Variants in DDX43 observed in about 807,000 individuals in gnomAD.
DDX43 encodes the protein DEAD-box helicase 43.
Under a neutral mutation model 84.9 loss-of-function variants are expected in DDX43, and 50 were observed. The ratio of observed to expected loss-of-function variants is 0.59; its 90% confidence interval spans 0.47 to 0.75. The LOEUF (loss-of-function observed/expected upper bound fraction) is 0.75, where lower values mean the gene tolerates loss of function less well. Among genes scored for constraint, DDX43 ranks in the 30% least tolerant of loss-of-function variants. The pLI is 0.00. For synonymous variants in DDX43, 291 were observed against 266.3 expected (o/e 1.09, Z -0.90); for missense variants, 689 against 798.6 (o/e 0.86, Z 1.65).
At chr6:73,401,265 A>G (rs969204587) in intron 3 of DDX43, among the ~76,000 whole-genome samples, 3 of 152,230 alleles carry the variant, frequency 2.0e-5, no homozygotes, top group African/African-American at 7.2e-5. Flanking sequence ...GGAGTGAGCT[A>G]CCAAGCCTGG....
rs765568989 is a variant in DDX43, at chr6:73,414,046, G to C, written c.1573G>C (p.Asp525His). 1 of 1,608,802 alleles carries C rather than the reference G, an allele frequency of 6.2e-7. No individual in the cohort carries two copies. Among genetic ancestry groups the C allele is most frequent in the Non-Finnish European group, 8.5e-7 (1 of 1,175,284 alleles). Residue 525 changes from aspartate (D) to histidine (H), a missense_variant, in exon 13 of 17, where the codon GAT becomes CAT. Coordinates refer to ENST00000370336, the MANE Select transcript of DDX43 (RefSeq NM_018665.3). ...TCTGCATGGAGATAGAGAACAGAGA[G>C]ATCGGGAGAAAGCATTAGAGAACTT... The part of the protein sequence containing the change: ...ESLHGDREQR[D>H]REKALENFKT...
rs146218157 is a variant in DDX43 at position 73,413,973 on chromosome 6, G to A, written c.1500G>A (p.Ala500=). 58 of 1,602,296 alleles carry A rather than the reference G, an allele frequency of 3.6e-5. No homozygotes were observed. The highest frequency in any genetic ancestry group is 8.0e-5 in the African/African-American group (6 of 74,658). Residue 500 remains alanine (A), a synonymous_variant, in exon 13 of 17, where the codon GCG becomes GCA. Transcript: ENST00000370336. ...CTGAGTTTATCTTTTGCTTCAGTGC[G>A]GATCACTTATCAAGTGACCTAATAC... ...VIVFVSRKAV[A]DHLSSDLILG... is the part of the protein sequence containing the mutation.
Position 73,406,482 on chromosome 6 carries a change from G to A in DDX43, c.926G>A (p.Ser309Asn), listed in dbSNP as rs1340870480. The A allele has an allele frequency of 1.3e-6, 2 of 1,584,410 alleles. No individual in the cohort carries two copies. Among genetic ancestry groups the A allele is most frequent in the East Asian group, 2.2e-5 (1 of 44,644 alleles). Reference sequence around the variant, plus strand: ...TTTATTCATCTGGTCCTTCAACCCAGGTAAGAATTCCTATGGCTGGTTTCT... The same window carrying A: ...TTTATTCATCTGGTCCTTCAACCCAAGTAAGAATTCCTATGGCTGGTTTCT... ...PGFIHLVLQP[S>N]LKGQRNRPGM... is the part of the protein sequence containing the mutation. Residue 309 changes from serine (S) to asparagine (N), a missense_variant and splice_region_variant, in exon 7 of 17, where the codon AGC becomes AAC. Around this residue, in one of 2 missense-constraint regions of DDX43, gnomAD observed 552 missense variants for 692.7 expected, o/e 0.80. Transcript: ENST00000370336.
At chr6:73,411,852 C>T (rs952932922) in intron 10 of DDX43, among the ~76,000 whole-genome samples, 4 of 152,106 alleles carry the variant, frequency 2.6e-5, no homozygotes, top group African/African-American at 9.7e-5. Flanking sequence ...CGTCCGCTAA[C>T]ACACCCAGCT....
intron 10 of DDX43, among the ~76,000 whole-genome samples, chr6:73,411,351 C>T (rs1331807524): frequency 7.0e-6 from 1 of 142,248 alleles, no homozygotes; most frequent in Non-Finnish European, 1.5e-5. Context: ...TTTTTTGAGA[C>T]AGAGTCTCAC....
chr6:73,402,239 G>GA (rs553838318), intron 4 of DDX43, among the ~76,000 whole-genome samples: 6 of 151,986 alleles, frequency 3.9e-5, no homozygotes, highest in Non-Finnish European at 7.4e-5. Context: ...AATAAAATAG[G>GA]AAAAAATCAG....
rs774238260 is a variant in DDX43 at position 73,414,048 on chromosome 6, T to G, written c.1575T>G (p.Asp525Glu). The stretch of plus-strand genomic sequence containing the variant: ...TGCATGGAGATAGAGAACAGAGAGA[T>G]CGGGAGAAAGCATTAGAGAACTTTA... ...ESLHGDREQR[D>E]REKALENFKT... The change falls in exon 13 of 17, where the codon GAT becomes GAG. Residue 525 changes from aspartate (D) to glutamate (E), a missense_variant. By Grantham distance (45) the Asp-to-Glu change is conservative (BLOSUM62 2). Transcript: ENST00000370336. 1.2e-6 allele frequency: 2 copies of G among 1,608,344 alleles called. No homozygotes were observed. The highest frequency in any genetic ancestry group is 1.7e-6 in the Non-Finnish European group (2 of 1,175,008).
Position 73,415,478 on chromosome 6 carries a change from T to A in DDX43, c.1746-19T>A, listed in dbSNP as rs371078031. ...TAACTGAATAATGAATACATGAGTT[T>A]TTTTCCCCCACACTAAAGGAGGACT... On this transcript the variant is annotated intron_variant, in intron 14 of 16. Transcript: ENST00000370336. 1.3e-6 allele frequency: 2 copies of A among 1,584,052 alleles called. No homozygotes were observed. Among genetic ancestry groups the A allele is most frequent in the Non-Finnish European group, 8.7e-7 (1 of 1,155,928 alleles).
intron 1 of DDX43, among the ~76,000 whole-genome samples, chr6:73,395,578 C>T (rs1316013939): frequency 2.0e-5 from 3 of 150,816 alleles, no homozygotes; most frequent in East Asian, 1.9e-4. Context: ...CGCGCCACTG[C>T]ACTCCAGCCT....
At chr6:73,402,056 A>G (rs1017956244) in intron 4 of DDX43, 66 bp downstream of exon 4, 4 of 1,575,398 alleles carry the variant, frequency 2.5e-6, no homozygotes, top group Admixed American at 1.8e-5. Context: ...TTCTCTGTAC[A>G]ATGTCTGTGC....
Position 73,405,709 on chromosome 6 carries a change from C to T in DDX43, c.681C>T (p.Asp227=). 2 of 1,613,970 alleles carry T rather than the reference C, an allele frequency of 1.2e-6. No homozygotes were observed. Among genetic ancestry groups the T allele is most frequent in the Non-Finnish European group, 1.7e-6 (2 of 1,179,968 alleles). Residue 227 remains aspartate (D), a synonymous_variant, in exon 6 of 17, where the codon GAC becomes GAT. Transcript: ENST00000370336. ...AAAATTTTAATATAACGTGGGATGA[C>T]TTGAAGGATGGGGAGAAACGACCTA... The part of the protein sequence containing the change: ...RKENFNITWD[D]LKDGEKRPIP...
intron 4 of DDX43, among the ~76,000 whole-genome samples, chr6:73,402,621 C>T (rs1278133946): frequency 8.6e-5 from 13 of 152,034 alleles, no homozygotes; most frequent in Non-Finnish European, 1.8e-4. Flanking sequence ...GCTCTGTCAC[C>T]CAGGCTGGAG....
chr6:73,413,591 G>A, intron 11 of DDX43, 67 bp from the exon 12 acceptor site: 1 of 1,449,360 alleles, frequency 6.9e-7, no homozygotes, highest in Non-Finnish European at 9.2e-7. Context: ...TGCATTTTGA[G>A]CTGATGTATG....
intron 7 of DDX43, among the ~76,000 whole-genome samples, 173 bp downstream of exon 7, chr6:73,406,655 A>G (rs1029304708): frequency 6.6e-6 from 1 of 152,208 alleles, no homozygotes; most frequent in African/African-American, 2.4e-5. Flanking sequence ...AACTGGCAAA[A>G]CATTTTTAGG....
chr6:73,397,904 TCTC>T, intron 2 of DDX43, 160 bp downstream of exon 2: 2 of 503,464 alleles, frequency 4.0e-6, no homozygotes, highest in South Asian at 3.6e-5. Flanking sequence ...TTCAAGCAAT[TCTC>T]CTGCTTCAGC....
At position 73,401,936 on chromosome 6, in the gene DDX43, G is replaced by T. The variant is rs1769580968; in HGVS notation, c.514G>T (p.Asp172Tyr). ...TGTTGCAGGAGATCGGCCATTGATA[G>T]ATTGGGATCAAATTAGAGAGGAAGG... ...NVVAGDRPLI[D>Y]WDQIREEGLK... Residue 172 changes from aspartate to tyrosine, a missense_variant, in exon 4 of 17, where the codon GAT (aspartate) becomes TAT (tyrosine). Asp to Tyr is a radical substitution (Grantham distance 160). Transcript: ENST00000370336. 19 of 1,614,124 alleles carry T rather than the reference G, an allele frequency of 1.2e-5. No homozygotes were observed. The highest frequency in any genetic ancestry group is 1.6e-5 in the Non-Finnish European group (19 of 1,180,026).
At chr6:73,412,677 G>GCGCA (rs1554236186) in intron 11 of DDX43, among the ~76,000 whole-genome samples, 16 of 114,686 alleles carry the variant, frequency 1.4e-4, no homozygotes, top group East Asian at 2.4e-4. Context: ...GTGCGCGCGC[G>GCGCA]CGTGTGTGTG....
Position 73,414,666 on chromosome 6 carries a change from A to T in DDX43, c.1725A>T (p.Ile575=). The stretch of plus-strand genomic sequence containing the variant: ...ATATTGAAGAATACGTACACCGAAT[A>T]GGGCGCACGGGAAGAGCAGGGTAAG... ...PRNIEEYVHR[I]GRTGRAGRTG... The change falls in exon 14 of 17, where the codon ATA becomes ATT. Residue 575 remains isoleucine (I), a synonymous_variant. Coordinates refer to ENST00000370336, the MANE Select transcript of DDX43 (RefSeq NM_018665.3). The T allele has an allele frequency of 6.2e-7, 1 of 1,613,510 alleles. No individual in the cohort carries two copies. Among genetic ancestry groups the T allele is most frequent in the Non-Finnish European group, 8.5e-7 (1 of 1,179,800 alleles).
chr6:73,408,083 G>A lies in DDX43; in HGVS notation c.1161G>A (p.Leu387=). 6.2e-7 allele frequency: 1 copy of A among 1,613,986 alleles called. No homozygotes were observed. Among genetic ancestry groups the A allele is most frequent in the Non-Finnish European group, 8.5e-7 (1 of 1,179,968 alleles). ...TGCAAATGAGTAACTTCGTCAATCT[G>A]AAGAATATAACCTACTTGGTAATCA... ...NDLQMSNFVN[L]KNITYLVLDE... is the part of the protein sequence containing the mutation. The change falls in exon 9 of 17, where the codon CTG becomes CTA. Residue 387 remains leucine (L), a synonymous_variant. Coordinates refer to ENST00000370336, the MANE Select transcript of DDX43 (RefSeq NM_018665.3).
Sources: allele counts gnomAD v4.1 joint callset (sites outside exome capture counted in the v4.1 genomes callset), GRCh38; gene constraint gnomAD v4.1.1; regional missense constraint gnomAD v4.1.1; transcripts MANE v1.5; gene names NCBI Gene and HGNC (gene_info 2026-07-23, HGNC 2026-07-21).